The following EFCAB5 variants were observed in gnomAD, a reference collection of about 807,000 sequenced individuals.
The protein encoded by EFCAB5 is EF-hand calcium-binding domain-containing protein 5.
EFCAB5 carries 131 observed loss-of-function variants against 167.9 expected under a neutral mutation model. The observed-to-expected ratio is 0.78, with a 90% CI of 0.68 to 0.90. The LOEUF is 0.90. Ranked by LOEUF, EFCAB5 falls within the 40% of genes least tolerant of loss-of-function variation. The pLI, the probability that EFCAB5 is intolerant of heterozygous loss-of-function variation, is 0.00. For missense variants in EFCAB5, 1,663 were observed against 1,745.2 expected (o/e 0.95, Z 0.84); for synonymous variants, 574 against 602.8 (o/e 0.95, Z 0.70).
chr17:29,985,313 T>A (rs2068258066), intron 4 of EFCAB5, among the ~76,000 whole-genome samples: 1 of 152,178 alleles, frequency 6.6e-6, no homozygotes, highest in African/African-American at 2.4e-5. Context: ...TAGACAGATT[T>A]CTCAGAAGTT....
At chr17:30,063,644 A>T (rs565460891) in intron 14 of EFCAB5, among the ~76,000 whole-genome samples, 1 of 152,210 alleles carries the variant, frequency 6.6e-6, no homozygotes, top group Admixed American at 6.5e-5. Context: ...AGTTTGGGAG[A>T]TCCTGTGCTT....
chr17:29,983,988 T>G (rs148469073), intron 4 of EFCAB5, among the ~76,000 whole-genome samples: 231 of 152,174 alleles, frequency 1.5e-3, no homozygotes, highest in African/African-American at 5.2e-3. Flanking sequence ...TTGTGTCACA[T>G]GAGAATCTGG....
At chr17:30,083,845 G>T (rs2071036724) in intron 18 of EFCAB5, among the ~76,000 whole-genome samples, 1 of 152,234 alleles carries the variant, frequency 6.6e-6, no homozygotes, top group Non-Finnish European at 1.5e-5. Flanking sequence ...AATCATATGG[G>T]TGGAGTGGGA....
At position 30,050,327 on chromosome 17, in the gene EFCAB5, G is replaced by T. The variant is rs552237124; in HGVS notation, c.1201-791G>T. Among the ~76,000 whole-genome samples the T allele has an allele frequency of 3.3e-5, 5 of 152,164 alleles. No individual in the cohort carries two copies. The South Asian group carries it at 1.0e-3, about 32-fold the overall frequency. On this transcript the variant is annotated intron_variant, in intron 8 of 22. Transcript: ENST00000394835. ...TTTTTGTCTTTTTAGTAGAGACAGGGTTTCTCTGCGTTGGTCAGGCTGGTC... is the reference window on the plus strand; with the variant it reads ...TTTTTGTCTTTTTAGTAGAGACAGGTTTTCTCTGCGTTGGTCAGGCTGGTC...
In EFCAB5 at chr17:30,055,728, A is replaced by G. The variant is rs528667436; in HGVS notation, c.2195-160A>G. Among the ~76,000 whole-genome samples the G allele has an allele frequency of 3.9e-5, 6 of 152,338 alleles. No individual in the cohort carries two copies. The South Asian group carries it at 1.2e-3, about 32-fold the overall frequency. The stretch of plus-strand genomic sequence containing the variant: ...CTGCTTTCAACAATTCAAGTTATTC[A>G]GTGACTTCACTGTGGTCGATTGCAA... On this transcript the variant is annotated intron_variant, in intron 10 of 22. Coordinates refer to ENST00000394835, the MANE Select transcript of EFCAB5 (RefSeq NM_198529.4).
At chr17:30,061,387 A>G (rs1303958661) in intron 14 of EFCAB5, among the ~76,000 whole-genome samples, 1 of 152,334 alleles carries the variant, frequency 6.6e-6, no homozygotes, top group East Asian at 1.9e-4. Context: ...CAAATCTTCA[A>G]ACAGCTCTTT....
Position 30,085,247 on chromosome 17 carries a change from CA to C in EFCAB5, c.3580-1815del, listed in dbSNP as rs1450657831. 5.9e-5 allele frequency among the ~76,000 whole-genome samples: 9 copies of C among 152,162 alleles called. No individual in the cohort carries two copies. In the East Asian group the frequency reaches 1.7e-3, roughly 29 times the overall value. ...AGGAAAAAAATTACTGCTCTGTTAACAGTAACCATAGATGAGTAAAAACAGA... is the reference window on the plus strand; with the variant it reads ...AGGAAAAAAATTACTGCTCTGTTAACGTAACCATAGATGAGTAAAAACAGA... On this transcript the variant is annotated intron_variant, in intron 18 of 22. Coordinates refer to ENST00000394835, the MANE Select transcript of EFCAB5 (RefSeq NM_198529.4).
chr17:30,070,725 G>T lies in EFCAB5; in HGVS notation c.2738-7490G>T, dbSNP rs1461471142. ...AGCACTTTGGGAGGCTGAGGCAGGT[G>T]GATTACCTGAGATCAGGAGTTCCAG... On this transcript the variant is annotated intron_variant, in intron 14 of 22. Coordinates refer to ENST00000394835, the MANE Select transcript of EFCAB5 (RefSeq NM_198529.4). Among the ~76,000 whole-genome samples, 3 of 151,972 alleles carry T rather than the reference G, an allele frequency of 2.0e-5. No individual in the cohort carries two copies. The East Asian group carries it at 5.8e-4, about 29-fold the overall frequency.
At chr17:30,085,282 C>T (rs972855299) in intron 18 of EFCAB5, among the ~76,000 whole-genome samples, 1 of 152,206 alleles carries the variant, frequency 6.6e-6, no homozygotes, top group African/African-American at 2.4e-5. Flanking sequence ...GATTCAAATT[C>T]TCTTAGGTAT....
intron 4 of EFCAB5, among the ~76,000 whole-genome samples, chr17:29,984,097 T>C (rs1249855542): frequency 6.6e-6 from 1 of 151,942 alleles, no homozygotes; most frequent in Non-Finnish European, 1.5e-5. Context: ...GCCGAATAAA[T>C]ATTTATATAA....
intron 8 of EFCAB5, among the ~76,000 whole-genome samples, chr17:30,037,876 T>C (rs955707337): frequency 2.6e-5 from 4 of 152,172 alleles, no homozygotes; most frequent in Admixed American, 1.3e-4. Context: ...GCTTTAAGCA[T>C]CCCTATTTCC....
At chr17:30,017,157 A>T (rs560805687) in intron 7 of EFCAB5, among the ~76,000 whole-genome samples, 2 of 152,238 alleles carry the variant, frequency 1.3e-5, no homozygotes, top group South Asian at 4.2e-4. Flanking sequence ...AGCCTGGGTG[A>T]CAGAGCGAGA....
intron 3 of EFCAB5, among the ~76,000 whole-genome samples, chr17:29,945,896 C>A (rs1443479776): frequency 1.3e-5 from 2 of 152,000 alleles, no homozygotes; most frequent in East Asian, 3.9e-4. Flanking sequence ...ATAAAATAAC[C>A]TAGGAAAAAC....
intron 18 of EFCAB5, among the ~76,000 whole-genome samples, chr17:30,084,747 C>T (rs1331608928): frequency 1.3e-5 from 2 of 152,174 alleles, no homozygotes; most frequent in Non-Finnish European, 2.9e-5. Context: ...CAAAGATAAA[C>T]CAGTATCCAT....
chr17:30,091,768 C>A, intron 20 of EFCAB5, 103 bp from the exon 21 acceptor site: 1 of 1,322,574 alleles, frequency 7.6e-7, no homozygotes, highest in Non-Finnish European at 1.0e-6. Context: ...TTTTTCTTGA[C>A]AAAAACATTT....
chr17:30,000,500 A>G (rs180797120), intron 7 of EFCAB5, among the ~76,000 whole-genome samples: 7 of 152,326 alleles, frequency 4.6e-5, no homozygotes, highest in Admixed American at 1.3e-4. Context: ...TTCTATTGTA[A>G]TGGAATAAGT....
Position 30,080,231 on chromosome 17 carries a change from A to G in EFCAB5, c.3187A>G (p.Lys1063Glu), listed in dbSNP as rs939201853. ...GAACAGAGTGCTCTACAGGGACATG[A>G]AAGGAATCAGGTAAGAACTTCTTGA... is the stretch of plus-strand genomic sequence containing the variant. The part of the protein sequence containing the change: ...VLNRVLYRDM[K>E]GISFTVVDEG... Residue 1063 changes from lysine (K) to glutamate (E), a missense_variant, in exon 16 of 23, where the codon AAA becomes GAA. By Grantham distance (56) the Lys-to-Glu change is moderately conservative (BLOSUM62 1). Coordinates refer to ENST00000394835, the MANE Select transcript of EFCAB5 (RefSeq NM_198529.4). The G allele has an allele frequency of 6.3e-7, 1 of 1,584,946 alleles. No homozygotes were observed. The highest frequency in any genetic ancestry group is 2.0e-5 in the Admixed American group (1 of 51,248).
intron 3 of EFCAB5, among the ~76,000 whole-genome samples, chr17:29,945,063 A>G (rs1362759668): frequency 1.3e-5 from 2 of 152,230 alleles, no homozygotes; most frequent in African/African-American, 2.4e-5. Flanking sequence ...AAAGTCTTCA[A>G]AAAAGTAGAG....
chr17:30,001,195 A>T (rs1316542195), intron 7 of EFCAB5, among the ~76,000 whole-genome samples: 2 of 152,176 alleles, frequency 1.3e-5, no homozygotes, highest in African/African-American at 4.8e-5. Context: ...GTCTTAAGTA[A>T]TAAAAATTTT....
Sources: allele counts gnomAD v4.1 joint callset (sites outside exome capture counted in the v4.1 genomes callset), GRCh38; gene constraint gnomAD v4.1.1; transcripts MANE v1.5; gene names NCBI Gene and HGNC (gene_info 2026-07-23, HGNC 2026-07-21).